The following CFAP54 variants were observed in gnomAD, a reference collection of about 807,000 sequenced individuals.
CFAP54 encodes the protein cilia- and flagella-associated protein 54.
A neutral mutation model predicts 370.4 loss-of-function variants in CFAP54; 290 were observed. The observed-to-expected ratio is 0.78, with a 90% CI of 0.71 to 0.86. CFAP54 has a LOEUF of 0.86. CFAP54 is among the 40% of genes least tolerant of loss of function. The pLI is 0.00. For synonymous variants in CFAP54, 1,206 were observed against 1,236.5 expected (o/e 0.98, Z 0.52); for missense variants, 3,399 against 3,528.7 (o/e 0.96, Z 0.93).
chr12:96,798,946 A>C (rs1410665886), intron 63 of CFAP54, among the ~76,000 whole-genome samples: 1 of 152,202 alleles, frequency 6.6e-6, no homozygotes. Flanking sequence ...CATAGCAAAT[A>C]AGAGAAAACC....
chr12:96,823,610 C>T (rs1024998740), intron 65 of CFAP54, among the ~76,000 whole-genome samples: 1 of 152,168 alleles, frequency 6.6e-6, no homozygotes, highest in Non-Finnish European at 1.5e-5. Context: ...CTGATCTCAC[C>T]ACCAAGTGCA....
intron 26 of CFAP54, among the ~76,000 whole-genome samples, chr12:96,612,950 T>C (rs758328788): frequency 2.0e-5 from 3 of 152,264 alleles, no homozygotes; most frequent in Middle Eastern, 3.4e-3. Context: ...CTGTCAACTT[T>C]AGACAGATCA....
chr12:96,603,889 G>A (rs569841360), intron 26 of CFAP54, among the ~76,000 whole-genome samples: 5 of 152,174 alleles, frequency 3.3e-5, no homozygotes, highest in South Asian at 4.2e-4. Flanking sequence ...GCTTCCTTGC[G>A]GTGGGTTAGA....
chr12:96,757,441 C>T (rs1958273801), intron 57 of CFAP54, 54 bp from the exon 58 acceptor site: 13 of 1,011,550 alleles, frequency 1.3e-5, no homozygotes, highest in Non-Finnish European at 1.4e-6. Flanking sequence ...CAAATGATAC[C>T]AATGATTATG....
chr12:96,604,293 G>T (rs1592876350), intron 26 of CFAP54, among the ~76,000 whole-genome samples: 1 of 152,236 alleles, frequency 6.6e-6, no homozygotes, highest in East Asian at 1.9e-4. Context: ...CCACAGAACA[G>T]CAAATATTGC....
At chr12:96,544,615 C>A (rs748701114) in intron 14 of CFAP54, among the ~76,000 whole-genome samples, 30 of 152,200 alleles carry the variant, frequency 2.0e-4, no homozygotes, top group African/African-American at 6.0e-4. Context: ...CAGAAGGGGT[C>A]CTGCCCCATA....
Position 96,742,577 on chromosome 12 carries a change from A to G in CFAP54, c.7210A>G (p.Ile2404Val). The G allele has an allele frequency of 3.1e-6, 5 of 1,612,158 alleles. No homozygotes were observed. Among genetic ancestry groups the G allele is most frequent in the Non-Finnish European group, 4.2e-6 (5 of 1,179,168 alleles). ...TGTTGCACAGATTCATGGCATTGGA[A>G]TTGTGAAAGGTACAAACATTTGCTT... ...AFVAQIHGIG[I>V]VKEDDMTDCL... Residue 2404 changes from isoleucine (I) to valine (V), a missense_variant, in exon 52 of 68, where the codon ATT (isoleucine) becomes GTT (valine). Ile to Val is a conservative substitution (Grantham distance 29). Coordinates refer to ENST00000524981, the MANE Select transcript of CFAP54 (RefSeq NM_001306084.2).
At chr12:96,580,816 A>G in intron 21 of CFAP54, 104 bp from the exon 22 acceptor site, 2 of 1,150,956 alleles carry the variant, frequency 1.7e-6, no homozygotes, top group South Asian at 4.1e-5. Flanking sequence ...TCCAACAATG[A>G]AAGAAAAAGG....
In CFAP54 at chr12:96,808,820, C is replaced by T. The variant is rs1161037539; in HGVS notation, c.8851-2916C>T. On this transcript the variant is annotated intron_variant, in intron 63 of 67. Coordinates refer to ENST00000524981, the MANE Select transcript of CFAP54 (RefSeq NM_001306084.2). ...GGACTGCGTCAATTACTGGTTAACACATTTTATTCAGGTTTGTCCAAGGGC... is the reference window on the plus strand; with the variant it reads ...GGACTGCGTCAATTACTGGTTAACATATTTTATTCAGGTTTGTCCAAGGGC... Among the ~76,000 whole-genome samples, 4 of 152,158 alleles carry T rather than the reference C, an allele frequency of 2.6e-5. No individual in the cohort carries two copies. The East Asian group carries it at 7.7e-4, about 29-fold the overall frequency.
At chr12:96,814,295 T>C (rs1478498622) in intron 64 of CFAP54, among the ~76,000 whole-genome samples, 1 of 152,246 alleles carries the variant, frequency 6.6e-6, no homozygotes, top group Non-Finnish European at 1.5e-5. Context: ...TACTTGTGGT[T>C]AAGAACATAC....
At chr12:96,758,780 C>T (rs1343911700) in intron 58 of CFAP54, among the ~76,000 whole-genome samples, 3 of 152,070 alleles carry the variant, frequency 2.0e-5, no homozygotes. Flanking sequence ...GTGGAAACAC[C>T]TCTGAAAATC....
intron 8 of CFAP54, among the ~76,000 whole-genome samples, chr12:96,524,147 T>C (rs1441189248): frequency 5.9e-5 from 9 of 152,162 alleles, no homozygotes; most frequent in African/African-American, 9.7e-5. Flanking sequence ...TGTTAACTTA[T>C]AGTAAATCAT....
At chr12:96,520,024 T>C (rs1955285864) in intron 6 of CFAP54, among the ~76,000 whole-genome samples, 1 of 152,154 alleles carries the variant, frequency 6.6e-6, no homozygotes, top group Non-Finnish European at 1.5e-5. Context: ...TGTTTTTCTT[T>C]TGTTTTCTTT....
At chr12:96,792,305 C>A in intron 62 of CFAP54, 24 bp from the exon 63 acceptor site, 2 of 1,458,500 alleles carry the variant, frequency 1.4e-6, no homozygotes, top group Non-Finnish European at 1.8e-6. Context: ...AGTAATTAAA[C>A]TGATGTTTTT....
chr12:96,736,194 T>G (rs1460718401), intron 50 of CFAP54, among the ~76,000 whole-genome samples: 1 of 152,118 alleles, frequency 6.6e-6, no homozygotes, highest in East Asian at 1.9e-4. Flanking sequence ...AAGGCTTGAG[T>G]GCTCCTGGAA....
intron 8 of CFAP54, 94 bp from the exon 9 acceptor site, chr12:96,527,152 C>T: frequency 8.9e-7 from 1 of 1,118,454 alleles, no homozygotes; most frequent in South Asian, 2.1e-5. Flanking sequence ...CTGCCTTGGC[C>T]TCCCAAAGTG....
chr12:96,517,201 C>T (rs1485637832), intron 5 of CFAP54, among the ~76,000 whole-genome samples: 3 of 152,076 alleles, frequency 2.0e-5, no homozygotes, highest in Non-Finnish European at 4.4e-5. Context: ...AGCTTCTCCC[C>T]TTTGTCAGGG....
chr12:96,841,060 T>C (rs1232382618), intron 66 of CFAP54, among the ~76,000 whole-genome samples: 1 of 152,236 alleles, frequency 6.6e-6, no homozygotes, highest in Non-Finnish European at 1.5e-5. Context: ...CCTGAAGCCT[T>C]TGTGTTATCC....
chr12:96,570,062 G>A (rs140174370), intron 19 of CFAP54, among the ~76,000 whole-genome samples: 26 of 151,738 alleles, frequency 1.7e-4, no homozygotes, highest in Middle Eastern at 3.4e-3. Context: ...CTGCAGCCTC[G>A]ACCTCCTGGG....
Sources: gnomAD v4.1 joint callset for allele counts (sites outside exome capture counted in the v4.1 genomes callset) on GRCh38, gnomAD v4.1.1 for gene constraint, MANE v1.5 for transcripts, NCBI Gene and HGNC (gene_info 2026-07-23, HGNC 2026-07-21) for gene names.